The following DIP2C variants were observed in gnomAD, a reference collection of about 807,000 sequenced individuals.
The protein encoded by DIP2C is disco-interacting protein 2 homolog C.
In DIP2C, 33 loss-of-function variants were observed where a neutral mutation model predicts 192.4. The ratio of observed to expected loss-of-function variants is 0.17; its 90% CI spans 0.13 to 0.23. DIP2C has a LOEUF of 0.23. Among genes scored for constraint, DIP2C ranks in the 10% least tolerant of loss-of-function variants. The pLI is 1.00. For missense variants in DIP2C, 1,537 were observed against 2,110.1 expected, an observed-to-expected ratio of 0.73 and a Z score of 5.32; for synonymous variants, 979 against 864.1, an observed-to-expected ratio of 1.13 and a Z score of -2.33.
chr10:387,942 G>A (rs911050334), intron 13 of DIP2C, 133 bp from the exon 14 acceptor site: 173 of 1,064,042 alleles, frequency 1.6e-4, no homozygotes, highest in Non-Finnish European at 2.4e-4. Context: ...GTATCTTGGT[G>A]GAAATTCTGT....
rs1372850279 is a variant in DIP2C at position 329,311 on chromosome 10, T to TA, written c.3753+121dup. On this transcript the variant is annotated intron_variant, in intron 30 of 36. Coordinates refer to ENST00000280886, the MANE Select transcript of DIP2C (RefSeq NM_014974.3). Reference sequence around the variant, plus strand: ...GCAGTTTGTAAGCTTCAGGTGACGTTAGATTAAACCCAGGCTTTGTTTTGG... The same window carrying TA: ...GCAGTTTGTAAGCTTCAGGTGACGTTAAGATTAAACCCAGGCTTTGTTTTGG... 2.8e-6 allele frequency: 3 copies of TA among 1,078,640 alleles called. No homozygotes were observed. In the African/African-American group the frequency reaches 4.9e-5, roughly 18 times the overall value. The allele number at this position is 1,078,640 out of a possible 1,614,324, so 66.8% of individuals were successfully genotyped here.
intron 10 of DIP2C, among the ~76,000 whole-genome samples, chr10:391,753 C>A (rs1291820460): frequency 6.6e-6 from 1 of 152,170 alleles, no homozygotes; most frequent in Non-Finnish European, 1.5e-5. Context: ...CAGCATGAAC[C>A]CCTCAATTAT....
intron 35 of DIP2C, 22 bp downstream of exon 35, chr10:283,250 G>T (rs202195587): frequency 2.7e-5 from 42 of 1,584,138 alleles, no homozygotes; most frequent in African/African-American, 8.1e-5. Context: ...GTTGGGGGGG[G>T]GCCGCCAGCC....
rs181248905 is a variant in DIP2C, at chr10:578,915, G to A, written c.86-92385C>T. On this transcript the variant is annotated intron_variant, in intron 1 of 36. Coordinates refer to ENST00000280886, the MANE Select transcript of DIP2C (RefSeq NM_014974.3). Reference sequence around the variant, plus strand: ...ATACACACATCCAGATCCACAGTGTGTGCACATAGGCACACTGTAACATGT... The same window carrying A: ...ATACACACATCCAGATCCACAGTGTATGCACATAGGCACACTGTAACATGT... Among the ~76,000 whole-genome samples the A allele has an allele frequency of 3.0e-3, 450 of 152,098 alleles. 6 individuals are homozygous for A. Among genetic ancestry groups the A allele is most frequent in the African/African-American group, 0.01 (428 of 41,502 alleles).
At chr10:341,358 A>T (rs773881656) in intron 28 of DIP2C, 29 bp from the exon 29 acceptor site, 2 of 1,612,370 alleles carry the variant, frequency 1.2e-6, no homozygotes, top group African/African-American at 1.3e-5. Flanking sequence ...TGTTAAACGC[A>T]TCGGACCTGA....
intron 1 of DIP2C, among the ~76,000 whole-genome samples, chr10:648,704 T>C: frequency 6.9e-6 from 1 of 144,632 alleles, no homozygotes; most frequent in Non-Finnish European, 1.5e-5. Flanking sequence ...CATTGGACGG[T>C]AGGAGAGAAC....
chr10:445,223 G>A (rs990930034), intron 3 of DIP2C, among the ~76,000 whole-genome samples: 2 of 151,410 alleles, frequency 1.3e-5, no homozygotes, highest in African/African-American at 4.8e-5. Context: ...CTGGGCATCT[G>A]TATACAACTG....
intron 1 of DIP2C, among the ~76,000 whole-genome samples, chr10:557,787 G>A (rs1314054114): frequency 2.5e-5 from 2 of 79,974 alleles, no homozygotes; most frequent in Admixed American, 1.1e-4. Context: ...GGGAGGGGGC[G>A]GGGGCAGGGG....
At position 294,212 on chromosome 10, in the gene DIP2C, C is replaced by A. The variant is rs183868466; in HGVS notation, c.3987-5791G>T. Among the ~76,000 whole-genome samples the A allele has an allele frequency of 9.8e-5, 15 of 152,286 alleles. No homozygotes were observed. The East Asian group carries it at 2.5e-3, about 25-fold the overall frequency. On this transcript the variant is annotated intron_variant, in intron 32 of 36. Transcript: ENST00000280886. ...TGCAGCCCAAACTGCCCTCTTCCAT[C>A]TTCTTCCAAGGCCAGATGGGTTCCA...
intron 1 of DIP2C, among the ~76,000 whole-genome samples, chr10:633,236 G>A (rs891029051): frequency 6.6e-6 from 1 of 152,244 alleles, no homozygotes; most frequent in African/African-American, 2.4e-5. Context: ...AGGCACGTGG[G>A]TTACTTCACT....
At chr10:393,546 G>T (rs1010747098) in intron 10 of DIP2C, among the ~76,000 whole-genome samples, 2 of 152,094 alleles carry the variant, frequency 1.3e-5, no homozygotes, top group South Asian at 2.1e-4. Flanking sequence ...GGGTGGCCAC[G>T]GCAGGCAGAT....
Position 470,717 on chromosome 10 carries a change from G to C in DIP2C, c.268+1722C>G, listed in dbSNP as rs187079986. On this transcript the variant is annotated intron_variant, in intron 3 of 36. Transcript: ENST00000280886. ...TAGGAAACACGCAGTGGCGACTGAC[G>C]CGGATCTCCTGTGTGGTAAGATGGC... is the stretch of plus-strand genomic sequence containing the variant. 2.0e-5 allele frequency among the ~76,000 whole-genome samples: 3 copies of C among 152,202 alleles called. No homozygotes were observed. In the East Asian group the frequency reaches 5.8e-4, roughly 29 times the overall value.
At chr10:545,059 A>C (rs1848207324) in intron 1 of DIP2C, among the ~76,000 whole-genome samples, 1 of 152,022 alleles carries the variant, frequency 6.6e-6, no homozygotes, top group African/African-American at 2.4e-5. Flanking sequence ...CCCATGTTAA[A>C]GCCACAACCC....
intron 1 of DIP2C, among the ~76,000 whole-genome samples, chr10:599,203 C>A (rs1193865419): frequency 6.6e-6 from 1 of 152,142 alleles, no homozygotes; most frequent in Non-Finnish European, 1.5e-5. Flanking sequence ...AGACAGCACC[C>A]CACATCCTCT....
intron 18 of DIP2C, among the ~76,000 whole-genome samples, chr10:367,763 G>A (rs75465574): frequency 0.021 from 3,153 of 152,340 alleles, 110 homozygotes; most frequent in African/African-American, 0.072. Context: ...ACACCGCGGA[G>A]CTCGTTACGC....
chr10:590,451 G>A (rs1004180183), intron 1 of DIP2C, among the ~76,000 whole-genome samples: 29 of 152,302 alleles, frequency 1.9e-4, no homozygotes, highest in African/African-American at 6.3e-4. Flanking sequence ...CAGTTCCTGC[G>A]AACCCACGCC....
rs558863814 is a variant in DIP2C at position 585,471 on chromosome 10, A to G, written c.86-98941T>C. Among the ~76,000 whole-genome samples, 15 of 152,380 alleles carry G rather than the reference A, an allele frequency of 9.8e-5. No individual in the cohort carries two copies. In the South Asian group the frequency reaches 2.9e-3, roughly 29 times the overall value. Reference sequence around the variant, plus strand: ...TTTAATAATCCCAGAGTAATTCTATAAAACCGGGAAATCCGTCTCACCTGG... The same window carrying G: ...TTTAATAATCCCAGAGTAATTCTATGAAACCGGGAAATCCGTCTCACCTGG... On this transcript the variant is annotated intron_variant, in intron 1 of 36. Transcript: ENST00000280886.
chr10:428,641 G>A (rs1966748220), intron 4 of DIP2C, among the ~76,000 whole-genome samples: 1 of 151,750 alleles, frequency 6.6e-6, no homozygotes, highest in African/African-American at 2.4e-5. Flanking sequence ...TGTTCTGCTT[G>A]GAGTTCACTG....
chr10:589,818 AAC>A (rs1360647895), intron 1 of DIP2C, among the ~76,000 whole-genome samples: 1 of 152,226 alleles, frequency 6.6e-6, no homozygotes, highest in African/African-American at 2.4e-5. Flanking sequence ...GTGAAACCTT[AAC>A]ACACAAGGGG....
Sources: allele counts gnomAD v4.1 joint callset (sites outside exome capture counted in the v4.1 genomes callset), GRCh38; gene constraint gnomAD v4.1.1; transcripts MANE v1.5; gene names NCBI Gene and HGNC (gene_info 2026-07-23, HGNC 2026-07-21).